The following CD9 variants were observed in gnomAD, a reference collection of about 807,000 sequenced individuals.
CD9 encodes CD9 molecule, also known as CD9 antigen.
CD9 carries 10 observed loss-of-function variants against 31.4 expected under a neutral mutation model. That is an observed-to-expected ratio of 0.32 (90% CI 0.20 to 0.54). The LOEUF (loss-of-function observed/expected upper bound fraction) is 0.54. Ranked by LOEUF, CD9 falls within the 20% of genes least tolerant of loss-of-function variation. CD9 has a pLI of 0.94. For synonymous variants in CD9, 113 were observed against 114.1 expected (o/e 0.99, Z 0.06); for missense variants, 259 against 300.1 (o/e 0.86, Z 1.01).
At chr12:6,205,153 C>T (rs1391324050) in intron 1 of CD9, among the ~76,000 whole-genome samples, 1 of 152,202 alleles carries the variant, frequency 6.6e-6, no homozygotes, top group African/African-American at 2.4e-5. Context: ...GCCCAGACAG[C>T]CTGCGCTGGG....
chr12:6,216,300 A>T (rs1030401996), intron 1 of CD9, among the ~76,000 whole-genome samples: 1 of 152,084 alleles, frequency 6.6e-6, no homozygotes, highest in Non-Finnish European at 1.5e-5. Context: ...GGCCTGGAAA[A>T]CTGCTGGTGT....
intron 1 of CD9, 42 bp from the exon 2 acceptor site, chr12:6,225,366 GTGGGGACTGTGTTGTTGC>G: frequency 9.0e-7 from 1 of 1,115,472 alleles, no homozygotes; most frequent in South Asian, 1.2e-5. Flanking sequence ...CCTTAAGCGC[GTGGGGACTGTGTTGTTGC>G]TGGCAGCCAG....
chr12:6,218,815 A>G (rs939509501), intron 1 of CD9, among the ~76,000 whole-genome samples: 6 of 151,816 alleles, frequency 4.0e-5, no homozygotes, highest in African/African-American at 1.5e-4. Flanking sequence ...TGACCAGGAC[A>G]CCATTCATTG....
At position 6,232,785 on chromosome 12, in the gene CD9, C is replaced by T. The variant is rs1831646307; in HGVS notation, c.273+56C>T. On this transcript the variant is annotated intron_variant, in intron 3 of 7. Transcript: ENST00000009180. The surrounding 1 kb of genome is among the most constrained non-coding windows in gnomAD (Gnocchi z 4.8). ...CCCTGACTCCCACCAACAAAAACCT[C>T]AGCAGGCCCAGACCCAGACCACAGA... The T allele has an allele frequency of 7.0e-6, 8 of 1,148,914 alleles. No individual in the cohort carries two copies. Among genetic ancestry groups the T allele is most frequent in the Non-Finnish European group, 7.6e-6 (6 of 793,974 alleles). The allele number at this position is 1,148,914 out of a possible 1,614,324, so 71.2% of individuals were successfully genotyped here.
At chr12:6,228,868 A>C (rs1479718887) in intron 2 of CD9, among the ~76,000 whole-genome samples, 3 of 152,252 alleles carry the variant, frequency 2.0e-5, no homozygotes, top group South Asian at 4.1e-4. Flanking sequence ...AGCAACCCAC[A>C]GGCCAGCCTG....
intron 1 of CD9, among the ~76,000 whole-genome samples, chr12:6,210,665 G>T (rs373377259): frequency 6.6e-6 from 1 of 152,072 alleles, no homozygotes; most frequent in Non-Finnish European, 1.5e-5. Context: ...AGATATGAAT[G>T]GGGGGGAAAC....
intron 2 of CD9, among the ~76,000 whole-genome samples, chr12:6,229,194 A>G (rs1946409027): frequency 6.6e-6 from 1 of 152,158 alleles, no homozygotes; most frequent in Non-Finnish European, 1.5e-5. Context: ...CTCCAGAACC[A>G]TGGCTGCTGA....
At chr12:6,207,908 G>C (rs1270084267) in intron 1 of CD9, among the ~76,000 whole-genome samples, 2 of 152,204 alleles carry the variant, frequency 1.3e-5, no homozygotes. Context: ...AGAAATAGTG[G>C]CTCTTATGAG....
chr12:6,224,827 C>T (rs1946341433), intron 1 of CD9, among the ~76,000 whole-genome samples: 1 of 152,146 alleles, frequency 6.6e-6, no homozygotes, highest in Non-Finnish European at 1.5e-5. Flanking sequence ...TCTCCAGGGA[C>T]ATTGCAGCTG....
intron 1 of CD9, among the ~76,000 whole-genome samples, chr12:6,207,533 T>C (rs1183409280): frequency 6.6e-6 from 1 of 152,250 alleles, no homozygotes; most frequent in Non-Finnish European, 1.5e-5. Context: ...GTTGGGCCTC[T>C]TGGCTTAGCT....
Position 6,235,080 on chromosome 12 carries a change from A to G in CD9, c.349-149A>G, listed in dbSNP as rs1946497470. 2.2e-5 allele frequency: 15 copies of G among 682,648 alleles called. No homozygotes were observed. In the South Asian group the frequency reaches 2.3e-4, roughly 10 times the overall value. 42.3% of individuals were successfully genotyped at this position (682,648 alleles called of 1,614,324 possible). ...AAAGGCCCTGAGAGAAGGCAGTGCT[A>G]GCAGCTGCCATCTGCCCAGTGACGT... On this transcript the variant is annotated intron_variant, in intron 4 of 7. Transcript: ENST00000009180.
intron 1 of CD9, among the ~76,000 whole-genome samples, chr12:6,201,698 A>G (rs988945644): frequency 3.9e-5 from 6 of 152,208 alleles, no homozygotes; most frequent in African/African-American, 1.4e-4. Context: ...CACTCTCAAG[A>G]TAGATGGATG....
chr12:6,206,705 TG>T (rs1274871253), intron 1 of CD9, among the ~76,000 whole-genome samples: 1 of 152,134 alleles, frequency 6.6e-6, no homozygotes, highest in African/African-American at 2.4e-5. Context: ...TTATAATAAT[TG>T]TATCTATCTG....
At chr12:6,211,902 C>T (rs533800356) in intron 1 of CD9, among the ~76,000 whole-genome samples, 1 of 152,326 alleles carries the variant, frequency 6.6e-6, no homozygotes, top group South Asian at 2.1e-4. Flanking sequence ...AACATCCTAA[C>T]GCCAGTACAC....
At chr12:6,218,957 G>A (rs1253799205) in intron 1 of CD9, among the ~76,000 whole-genome samples, 2 of 152,102 alleles carry the variant, frequency 1.3e-5, no homozygotes, top group Non-Finnish European at 2.9e-5. Flanking sequence ...TGGGGGTGCT[G>A]GCAGAGTTGC....
At chr12:6,227,196 A>ATTTTTTTTTTTTTTTTTTT (rs61439467) in intron 2 of CD9, among the ~76,000 whole-genome samples, 1 of 149,158 alleles carries the variant, frequency 6.7e-6, no homozygotes, top group Non-Finnish European at 1.5e-5. Flanking sequence ...TTTATTTTTT[A>ATTTTTTTTTTTTTTTTTTT]TTTTTTTTAT....
Position 6,230,897 on chromosome 12 carries a change from G to A in CD9, c.176-1735G>A, listed in dbSNP as rs150121568. Among the ~76,000 whole-genome samples, 421 of 152,342 alleles carry A rather than the reference G, an allele frequency of 2.8e-3. 3 individuals carry two copies. Among genetic ancestry groups the A allele is most frequent in the Middle Eastern group, 6.8e-3 (2 of 294 alleles). On this transcript the variant is annotated intron_variant, in intron 2 of 7. Coordinates refer to ENST00000009180, the MANE Select transcript of CD9 (RefSeq NM_001769.4). Reference sequence around the variant, plus strand: ...CGTGACTTGACCTCACGACGGATGTGGGGGAGAAGGGGGAGGAACAAACGC... The same window carrying A: ...CGTGACTTGACCTCACGACGGATGTAGGGGAGAAGGGGGAGGAACAAACGC...
chr12:6,231,711 C>T (rs1002317675), intron 2 of CD9, among the ~76,000 whole-genome samples: 2 of 152,220 alleles, frequency 1.3e-5, no homozygotes, highest in African/African-American at 4.8e-5. Context: ...CCTTCTCTCA[C>T]CTCCTTTCCA....
chr12:6,216,660 G>A (rs997840983), intron 1 of CD9, among the ~76,000 whole-genome samples: 1 of 152,158 alleles, frequency 6.6e-6, no homozygotes, highest in Non-Finnish European at 1.5e-5. Context: ...TCCAGTCTTA[G>A]TGGAGCTCTG....
Sources: gnomAD v4.1 joint callset for allele counts (sites outside exome capture counted in the v4.1 genomes callset) on GRCh38, gnomAD v4.1.1 for gene constraint, Gnocchi (gnomAD v3.1) non-coding constraint, MANE v1.5 for transcripts, NCBI Gene and HGNC (gene_info 2026-07-23, HGNC 2026-07-21) for gene names.